Variants in DMD observed in about 807,000 individuals in gnomAD.
DMD encodes dystrophin, also known as mutant dystrophin.
Under a neutral mutation model 330.1 loss-of-function variants are expected in DMD, and 63 were observed. The observed-to-expected ratio is 0.19, with a 90% confidence interval of 0.16 to 0.24. The LOEUF (loss-of-function observed/expected upper bound fraction) is 0.24, where lower values mean the gene tolerates loss of function less well. Among genes scored for constraint, DMD ranks in the 10% least tolerant of loss-of-function variants. The pLI, the probability that DMD is intolerant of heterozygous loss-of-function variation, is 1.00. For missense variants in DMD, 3,344 were observed against 2,684.1 expected (o/e 1.25, Z -5.43); for synonymous variants, 1,223 against 959.8 (o/e 1.27, Z -5.07).
chrX:31,219,804 C>T (rs1266237694), intron 64 of DMD, among the ~76,000 whole-genome samples: 1 of 97,896 alleles, frequency 1.0e-5, no homozygotes, highest in Non-Finnish European at 2.1e-5. Context: ...CCAAGCAGTT[C>T]AAACCCATGT....
At chrX:31,240,914 C>A (rs1265828990) in intron 63 of DMD, among the ~76,000 whole-genome samples, 1 of 111,189 alleles carries the variant, frequency 9.0e-6, no homozygotes. Context: ...TAAGCTTGGT[C>A]TAGTAACCTT....
intron 1 of DMD, among the ~76,000 whole-genome samples, chrX:33,051,646 A>ATTTTTTTATTTTTTTTTTTT (rs2094458500): frequency 1.4e-5 from 1 of 71,959 alleles, no homozygotes; most frequent in African/African-American, 6.5e-5. Context: ...ATTACGCTCT[A>ATTTTTTTATTTTTTTTTTTT]TTTTTTTTTT....
At chrX:31,511,075 G>T (rs189014013) in intron 55 of DMD, among the ~76,000 whole-genome samples, 1 of 110,674 alleles carries the variant, frequency 9.0e-6, no homozygotes, top group East Asian at 2.9e-4. Context: ...TCAAGCTACA[G>T]GACTCAGATA....
chrX:32,244,260 T>C (rs1170609286), intron 43 of DMD, among the ~76,000 whole-genome samples: 1 of 106,380 alleles, frequency 9.4e-6, no homozygotes, highest in African/African-American at 3.4e-5. Context: ...GGTTTCCAGT[T>C]TCATCCATGT....
rs181600882 is a variant in DMD, at chrX:32,173,783, A to C, written c.6438+43133T>G. Among the ~76,000 whole-genome samples the C allele has an allele frequency of 4.7e-4, 53 of 111,915 alleles. No individual in the cohort carries two copies. In the Admixed American group the frequency reaches 4.9e-3, roughly 10 times the overall value. ...GTATGCTTTAGGAAATTGAGTTTTT[A>C]AGTGAAATATTAAAGACATCTCATT... On this transcript the variant is annotated intron_variant, in intron 44 of 78. Transcript: ENST00000357033.
chrX:31,899,827 C>T (rs1453792339), intron 47 of DMD, among the ~76,000 whole-genome samples: 7 of 110,958 alleles, frequency 6.3e-5, no homozygotes, highest in Non-Finnish European at 1.1e-4. Flanking sequence ...ATAGCTCAAC[C>T]TAATTTTTCT....
At chrX:31,175,185 A>T (rs930475863) in intron 71 of DMD, among the ~76,000 whole-genome samples, 1 of 111,599 alleles carries the variant, frequency 9.0e-6, no homozygotes, top group African/African-American at 3.2e-5. Context: ...CAGTCTTTCA[A>T]TTACATATTT....
chrX:32,002,916 T>C (rs1405862417), intron 44 of DMD, among the ~76,000 whole-genome samples: 3 of 111,624 alleles, frequency 2.7e-5, no homozygotes, highest in Non-Finnish European at 5.7e-5. Flanking sequence ...TTCTCAAGCC[T>C]TTCTGGTCCT....
intron 54 of DMD, among the ~76,000 whole-genome samples, chrX:31,631,576 G>C (rs1002856677): frequency 9.0e-6 from 1 of 111,074 alleles, no homozygotes. Flanking sequence ...TGTTGTAGTT[G>C]TGACTGTATG....
intron 7 of DMD, among the ~76,000 whole-genome samples, chrX:32,735,034 A>T (rs189473134): frequency 5.8e-4 from 64 of 111,300 alleles, no homozygotes; most frequent in African/African-American, 1.9e-3. Context: ...TCAGCCTAAA[A>T]TCTCCTTAAG....
chrX:33,224,710 C>A (rs1316110940), intron 1 of DMD, among the ~76,000 whole-genome samples: 1 of 110,897 alleles, frequency 9.0e-6, no homozygotes, highest in African/African-American at 3.3e-5. Context: ...TCTAATGGAA[C>A]CTATGGATCT....
chrX:33,210,824 A>G (rs1331145521), intron 1 of DMD, among the ~76,000 whole-genome samples: 2 of 111,760 alleles, frequency 1.8e-5, no homozygotes, highest in African/African-American at 6.5e-5. Context: ...AACTTTTTCT[A>G]ACTTTTAGGC....
chrX:32,779,659 A>G (rs1305388492), intron 7 of DMD, among the ~76,000 whole-genome samples: 1 of 93,010 alleles, frequency 1.1e-5, no homozygotes, highest in Non-Finnish European at 2.1e-5. Context: ...GTCCCTACAA[A>G]GGACATGAAC....
intron 6 of DMD, among the ~76,000 whole-genome samples, chrX:32,813,478 A>G (rs887771795): frequency 4.5e-5 from 5 of 111,946 alleles, no homozygotes; most frequent in East Asian, 5.6e-4. Context: ...CAATTTATCT[A>G]TTTGTGAGAT....
intron 45 of DMD, among the ~76,000 whole-genome samples, chrX:31,961,392 T>C (rs2095301079): frequency 8.9e-6 from 1 of 111,876 alleles, no homozygotes; most frequent in African/African-American, 3.2e-5. Context: ...ATAAAATTCT[T>C]ACGATTTAAA....
intron 17 of DMD, among the ~76,000 whole-genome samples, chrX:32,539,518 T>TAA (rs3073877): frequency 9.5e-6 from 1 of 105,724 alleles, no homozygotes. Flanking sequence ...TATAGAACAT[T>TAA]AAAAAAAAAA....
At chrX:31,759,074 G>A (rs916192493) in intron 51 of DMD, among the ~76,000 whole-genome samples, 6 of 111,292 alleles carry the variant, frequency 5.4e-5, no homozygotes, top group African/African-American at 2.0e-4. Context: ...AACATACAGG[G>A]CAAGGTTTTA....
chrX:31,773,469 T>C (rs1213673941), intron 51 of DMD, among the ~76,000 whole-genome samples: 1 of 111,798 alleles, frequency 8.9e-6, no homozygotes, highest in Non-Finnish European at 1.9e-5. Context: ...TTTCTCTTTT[T>C]AAGTTATAGC....
intron 43 of DMD, among the ~76,000 whole-genome samples, chrX:32,286,836 C>G (rs1407124234): frequency 1.8e-5 from 2 of 111,380 alleles, no homozygotes; most frequent in Non-Finnish European, 3.8e-5. Flanking sequence ...AATTAAGAAG[C>G]CTACCTTGAG....
Sources: allele counts gnomAD v4.1 joint callset (sites outside exome capture counted in the v4.1 genomes callset), GRCh38; gene constraint gnomAD v4.1.1; transcripts MANE v1.5; gene names NCBI Gene and HGNC (gene_info 2026-07-23, HGNC 2026-07-21).